Variants in C3orf49 observed in about 807,000 individuals in gnomAD.
C3orf49 encodes the protein putative uncharacterized protein C3orf49.
A neutral mutation model predicts 13.3 loss-of-function variants in C3orf49; 27 were observed. That is an observed-to-expected ratio of 2.02 (90% CI 1.49 to 2.79). C3orf49 has a LOEUF of 2.79. Among genes scored for constraint, C3orf49 ranks in the 30% most tolerant of loss-of-function variants. C3orf49 has a pLI of 0.00. For missense variants in C3orf49, 242 were observed against 134.2 expected (o/e 1.80, Z -3.97); for synonymous variants, 87 against 47.6 (o/e 1.83, Z -3.40).
chr3:63,845,024 T>C lies in C3orf49; in HGVS notation c.851T>C (p.Met284Thr), dbSNP rs1701857250. The C allele has an allele frequency of 2.9e-6, 2 of 698,462 alleles. No homozygotes were observed. The allele number at this position is 698,462 out of a possible 1,614,324, so 43.3% of individuals were successfully genotyped here. A position where few individuals can be genotyped will look rare whatever the true frequency, so the allele number is the denominator to read the frequency against. Reference protein sequence around the residue: ...RTMRKYKLKNMTTKGPGDS With the variant: ...RTMRKYKLKNTTTKGPGDS Reference sequence around the variant, plus strand: ...TGTTGTAATTTTGTCTCTTGACAGATGACCACAAAAGGACCTGGAGACAGC... The same window carrying C: ...TGTTGTAATTTTGTCTCTTGACAGACGACCACAAAAGGACCTGGAGACAGC... Residue 284 changes from methionine (M) to threonine (T), a missense_variant and splice_region_variant, in exon 6 of 7, where the codon ATG becomes ACG. Physicochemically the swap from Met to Thr is moderately conservative, Grantham distance 81. Coordinates refer to ENST00000295896, the MANE Select transcript of C3orf49 (RefSeq NM_001355236.2).
chr3:63,796,345 C>A, the C3orf49 span, among the ~76,000 whole-genome samples: 2 of 152,078 alleles, frequency 1.3e-5, no homozygotes, highest in East Asian at 1.9e-4. Flanking sequence ...CATTCCCCTA[C>A]CAAAAATTTC....
intron 4 of C3orf49, 27 bp downstream of exon 4, chr3:63,831,250 G>T: frequency 1.4e-6 from 1 of 697,724 alleles, no homozygotes; most frequent in South Asian, 1.5e-5. Context: ...TTTAACTTTT[G>T]AGTCTCAGAA....
chr3:63,809,869 C>T, the C3orf49 span, among the ~76,000 whole-genome samples: 3 of 152,058 alleles, frequency 2.0e-5, no homozygotes, highest in East Asian at 5.8e-4. Flanking sequence ...AATGGCAGGC[C>T]GGGTGCAGTG....
intron 5 of C3orf49, chr3:63,837,959 T>C: frequency 4.4e-6 from 7 of 1,600,346 alleles, no homozygotes; most frequent in Non-Finnish European, 4.3e-6. Context: ...GCACATTAAA[T>C]CCCTCAAAAC....
At chr3:63,807,857 CA>C in the C3orf49 span, among the ~76,000 whole-genome samples, 1,887 of 32,280 alleles carry the variant, frequency 0.058, 11 homozygotes, top group South Asian at 0.13. Context: ...AACTTCATCT[CA>C]AAAAAAAAAA....
At chr3:63,835,763 C>T (rs1701619399) in intron 5 of C3orf49, among the ~76,000 whole-genome samples, 1 of 151,982 alleles carries the variant, frequency 6.6e-6, no homozygotes, top group South Asian at 2.1e-4. Context: ...ACGCCTAGTC[C>T]TCTATCCTGG....
chr3:63,838,350 T>G, intron 5 of C3orf49: 1 of 1,404,912 alleles, frequency 7.1e-7, no homozygotes, highest in Non-Finnish European at 9.8e-7. Flanking sequence ...AAATTACAGA[T>G]AGAAACATTA....
chr3:63,798,621 GT>G, the C3orf49 span, among the ~76,000 whole-genome samples: 1 of 152,028 alleles, frequency 6.6e-6, no homozygotes, highest in Admixed American at 6.6e-5. Flanking sequence ...ATTAGAACTT[GT>G]TTTTCTGTGA....
chr3:63,840,000 A>T (rs1701724767), intron 5 of C3orf49, among the ~76,000 whole-genome samples: 1 of 152,152 alleles, frequency 6.6e-6, no homozygotes, highest in Non-Finnish European at 1.5e-5. Flanking sequence ...ACTAAAGAAA[A>T]AAGAAAGTTA....
chr3:63,823,517 G>C lies in C3orf49; in HGVS notation c.393G>C (p.Glu131Asp), dbSNP rs566344896. 1 of 702,158 alleles carries C rather than the reference G, an allele frequency of 1.4e-6. No homozygotes were observed. Among genetic ancestry groups the C allele is most frequent in the South Asian group, 1.5e-5 (1 of 67,430 alleles). The allele number at this position is 702,158 out of a possible 1,614,324, so 43.5% of individuals were successfully genotyped here. ...GCCTTCTCCCTAGGATTGTCAAGGA[G>C]TTTTCATCTCCCAAGTTATTTACAG... The part of the protein sequence containing the change: ...TQSLLPRIVK[E>D]FSSPKLFTAK... Residue 131 changes from glutamate to aspartate, a missense_variant, in exon 2 of 7, where the codon GAG becomes GAC. Coordinates refer to ENST00000295896, the MANE Select transcript of C3orf49 (RefSeq NM_001355236.2).
At chr3:63,797,036 G>T in the C3orf49 span, among the ~76,000 whole-genome samples, 4 of 151,792 alleles carry the variant, frequency 2.6e-5, no homozygotes, top group Non-Finnish European at 1.5e-5. Flanking sequence ...TATATCTAAG[G>T]TATGGAATTT....
At chr3:63,780,153 A>C in the C3orf49 span, among the ~76,000 whole-genome samples, 4 of 152,010 alleles carry the variant, frequency 2.6e-5, no homozygotes, top group African/African-American at 4.8e-5. Context: ...CACCCACCCC[A>C]AAAAAGGCCC....
At chr3:63,816,880 C>T (rs1292108129), upstream of C3orf49, among the ~76,000 whole-genome samples, 1 of 145,802 alleles carries the variant, frequency 6.9e-6, no homozygotes, top group Non-Finnish European at 1.5e-5. Context: ...TCACGCCATT[C>T]TCCTGCCTCA....
chr3:63,823,754 A>G (rs1309235583), intron 2 of C3orf49, among the ~76,000 whole-genome samples, 185 bp downstream of exon 2: 3 of 138,556 alleles, frequency 2.2e-5, no homozygotes, highest in Non-Finnish European at 3.1e-5. Flanking sequence ...GTTGGCTTGT[A>G]TGTTCATACC....
At chr3:63,812,883 C>A in the C3orf49 span, among the ~76,000 whole-genome samples, 11 of 152,174 alleles carry the variant, frequency 7.2e-5, no homozygotes, top group Admixed American at 4.6e-4. Flanking sequence ...TTCTCCCCAC[C>A]TCTGCTGCTC....
At chr3:63,837,782 A>T (rs1701664426) in intron 5 of C3orf49, among the ~76,000 whole-genome samples, 1 of 152,118 alleles carries the variant, frequency 6.6e-6, no homozygotes, top group South Asian at 2.1e-4. Context: ...AATGTAATCC[A>T]GCAAAAACAT....
intron 5 of C3orf49, among the ~76,000 whole-genome samples, chr3:63,840,614 T>C (rs1296303236): frequency 2.0e-5 from 3 of 151,934 alleles, no homozygotes; most frequent in Non-Finnish European, 4.4e-5. Context: ...AAATAAAAAA[T>C]AAAAAAATAC....
chr3:63,802,897 CAG>C, the C3orf49 span, among the ~76,000 whole-genome samples: 1 of 151,994 alleles, frequency 6.6e-6, no homozygotes, highest in Non-Finnish European at 1.5e-5. Context: ...CACACATACA[CAG>C]ACACACACAC....
chr3:63,821,344 G>T (rs1480767409), intron 1 of C3orf49, among the ~76,000 whole-genome samples: 1 of 151,970 alleles, frequency 6.6e-6, no homozygotes, highest in Non-Finnish European at 1.5e-5. Flanking sequence ...GATATTTTAG[G>T]TAATATATGA....
Sources: allele counts gnomAD v4.1 joint callset (sites outside exome capture counted in the v4.1 genomes callset), GRCh38; gene constraint gnomAD v4.1.1; transcripts MANE v1.5; gene names NCBI Gene and HGNC (gene_info 2026-07-23, HGNC 2026-07-21).